The following TMEM132B variants were observed in gnomAD, a reference collection of about 807,000 sequenced individuals.
The protein encoded by TMEM132B is transmembrane protein 132B.
A neutral mutation model predicts 90.8 loss-of-function variants in TMEM132B; 18 were observed. The observed-to-expected ratio is 0.20, with a 90% CI of 0.14 to 0.29. The LOEUF (loss-of-function observed/expected upper bound fraction) is 0.29, where lower values mean the gene tolerates loss of function less well. Ranked by LOEUF, TMEM132B falls within the 10% of genes least tolerant of loss-of-function variation. TMEM132B has a pLI of 1.00. For missense variants in TMEM132B, 1,096 were observed against 1,326.8 expected, an observed-to-expected ratio of 0.83 and a Z score of 2.70; for synonymous variants, 504 against 523.3, an observed-to-expected ratio of 0.96 and a Z score of 0.50.
chr12:125,254,844 C>T (rs1364156783), intron 1 of TMEM132B, among the ~76,000 whole-genome samples: 2 of 152,066 alleles, frequency 1.3e-5, no homozygotes, highest in Non-Finnish European at 2.9e-5. Context: ...CCACCACACC[C>T]GGCTAATACT....
At chr12:125,376,718 A>T (rs1878501035) in intron 2 of TMEM132B, among the ~76,000 whole-genome samples, 1 of 152,150 alleles carries the variant, frequency 6.6e-6, no homozygotes, top group African/African-American at 2.4e-5. Flanking sequence ...TTCCCCTTAA[A>T]AGGGCTGAGG....
At chr12:125,392,133 A>G (rs2136304224) in intron 2 of TMEM132B, among the ~76,000 whole-genome samples, 1 of 152,350 alleles carries the variant, frequency 6.6e-6, no homozygotes, top group Admixed American at 6.5e-5. Context: ...TGGATTTTAG[A>G]AAGTAAAGAA....
chr12:125,465,635 G>A (rs1362174121), intron 3 of TMEM132B, among the ~76,000 whole-genome samples: 2 of 152,210 alleles, frequency 1.3e-5, no homozygotes, highest in Admixed American at 6.5e-5. Context: ...TGGACGGACA[G>A]CCTCTGGCTC....
intron 2 of TMEM132B, 34 bp downstream of exon 2, chr12:125,350,377 G>A (rs1268201294): frequency 6.4e-7 from 1 of 1,566,138 alleles, no homozygotes; most frequent in Admixed American, 1.9e-5. Flanking sequence ...TGGAACAGAA[G>A]CCAACTCTTA....
chr12:125,309,340 T>G (rs2136174735), intron 1 of TMEM132B, among the ~76,000 whole-genome samples: 1 of 152,358 alleles, frequency 6.6e-6, no homozygotes, highest in African/African-American at 2.4e-5. Flanking sequence ...GTAGTAAGAT[T>G]AGATCTTTGC....
chr12:125,396,060 C>G (rs1879160063), intron 2 of TMEM132B, among the ~76,000 whole-genome samples: 1 of 152,192 alleles, frequency 6.6e-6, no homozygotes, highest in Admixed American at 6.5e-5. Flanking sequence ...TTTGATTGGC[C>G]ACATACATAC....
rs771314028 is a variant in TMEM132B, at chr12:125,458,735, G to A, written c.1106+43058G>A. Among the ~76,000 whole-genome samples the A allele has an allele frequency of 2.0e-5, 3 of 152,204 alleles. No individual in the cohort carries two copies. Among genetic ancestry groups the A allele is most frequent in the Non-Finnish European group, 4.4e-5 (3 of 68,028 alleles). On this transcript the variant is annotated intron_variant, in intron 3 of 8. Coordinates refer to ENST00000682704, the MANE Select transcript of TMEM132B (RefSeq NM_001366854.1). The surrounding 1 kb of genome is among the most constrained non-coding windows in gnomAD (Gnocchi z 4.9). ...CCCGCCTGCACTGCTGTCACACTGG[G>A]TGGTGTTGTCAGGGTGACTCACGTG...
intron 3 of TMEM132B, among the ~76,000 whole-genome samples, chr12:125,447,121 T>C (rs1229757078): frequency 6.6e-6 from 1 of 152,240 alleles, no homozygotes; most frequent in Non-Finnish European, 1.5e-5. Context: ...ATATGTCTCT[T>C]GTGTTTTAAT....
At chr12:125,485,081 C>T (rs1289594639) in intron 3 of TMEM132B, among the ~76,000 whole-genome samples, 1 of 152,118 alleles carries the variant, frequency 6.6e-6, no homozygotes, top group East Asian at 1.9e-4. Context: ...GGTCCCTTAT[C>T]ACAAGACTGT....
chr12:125,631,057 G>A (rs143133006), intron 5 of TMEM132B, among the ~76,000 whole-genome samples: 2,319 of 151,932 alleles, frequency 0.015, 117 homozygotes, highest in Admixed American at 0.11. Context: ...TGCTTTTCTA[G>A]TTCTTTAAGA....
chr12:125,517,393 T>C (rs372882799), intron 3 of TMEM132B, among the ~76,000 whole-genome samples: 2 of 141,140 alleles, frequency 1.4e-5, no homozygotes, highest in East Asian at 4.5e-4. Context: ...GGGGTTTCAC[T>C]ATGTTAGCCA....
At chr12:125,347,025 T>C (rs1877388422) in intron 1 of TMEM132B, among the ~76,000 whole-genome samples, 1 of 152,250 alleles carries the variant, frequency 6.6e-6, no homozygotes, top group Non-Finnish European at 1.5e-5. Context: ...GCGATAAACA[T>C]ACTTGCACAT....
At chr12:125,481,881 CATG>C (rs1466961720) in intron 3 of TMEM132B, among the ~76,000 whole-genome samples, 7 of 152,336 alleles carry the variant, frequency 4.6e-5, no homozygotes, top group Middle Eastern at 3.4e-3. Flanking sequence ...ACCAAAACAG[CATG>C]ATACTAGTAC....
intron 2 of TMEM132B, among the ~76,000 whole-genome samples, chr12:125,369,662 G>T (rs1194748011): frequency 6.6e-6 from 1 of 152,206 alleles, no homozygotes; most frequent in Non-Finnish European, 1.5e-5. Flanking sequence ...ACCACAGAAA[G>T]TCAGCAGAGT....
intron 5 of TMEM132B, among the ~76,000 whole-genome samples, chr12:125,589,626 T>G (rs1187027187): frequency 1.3e-5 from 2 of 151,998 alleles, no homozygotes; most frequent in Non-Finnish European, 2.9e-5. Context: ...TTAGGAAACT[T>G]ACAGCCATAT....
At chr12:125,599,252 C>T (rs1885514707) in intron 5 of TMEM132B, among the ~76,000 whole-genome samples, 1 of 152,192 alleles carries the variant, frequency 6.6e-6, no homozygotes, top group African/African-American at 2.4e-5. Flanking sequence ...TTGCTTGCTG[C>T]CATGTAAGAT....
At chr12:125,225,989 A>G (rs897663561) in intron 1 of TMEM132B, among the ~76,000 whole-genome samples, 4 of 152,230 alleles carry the variant, frequency 2.6e-5, no homozygotes, top group African/African-American at 9.6e-5. Context: ...TTAGCTTCCT[A>G]TCAACCTACA....
At chr12:125,536,803 T>G (rs1374935636) in intron 4 of TMEM132B, among the ~76,000 whole-genome samples, 1 of 151,952 alleles carries the variant, frequency 6.6e-6, no homozygotes, top group Admixed American at 6.6e-5. Context: ...TTTCCTCACA[T>G]GGCAAATAGG....
Position 125,590,083 on chromosome 12 carries a change from C to G in TMEM132B, c.1437+6089C>G, listed in dbSNP as rs61943503. On this transcript the variant is annotated intron_variant, in intron 5 of 8. Coordinates refer to ENST00000682704, the MANE Select transcript of TMEM132B (RefSeq NM_001366854.1). The stretch of plus-strand genomic sequence containing the variant: ...TGTGTGGCACCTCCTCACTCCCTCT[C>G]TGACCATGTGGGCCATCTGCTCTCC... Among the ~76,000 whole-genome samples, 793 of 152,274 alleles carry G rather than the reference C, an allele frequency of 5.2e-3. 5 individuals carry two copies. Among genetic ancestry groups the G allele is most frequent in the Non-Finnish European group, 7.9e-3 (539 of 68,020 alleles).
Sources: allele counts gnomAD v4.1 joint callset (sites outside exome capture counted in the v4.1 genomes callset), GRCh38; gene constraint gnomAD v4.1.1; non-coding constraint Gnocchi (gnomAD v3.1); transcripts MANE v1.5; gene names NCBI Gene and HGNC (gene_info 2026-07-23, HGNC 2026-07-21).